The following WWP2 variants were observed in gnomAD, a reference collection of about 807,000 sequenced individuals.
WWP2 encodes the protein WW domain containing E3 ubiquitin protein ligase 2.
In WWP2, 57 loss-of-function variants were observed where a neutral mutation model predicts 121.0. The observed-to-expected ratio is 0.47, with a 90% CI of 0.38 to 0.59. WWP2 has a LOEUF of 0.59. Among genes scored for constraint, WWP2 ranks in the 20% least tolerant of loss-of-function variants. The probability of loss-of-function intolerance (pLI) is 0.00; values close to 1 mark genes in which losing one functional copy is unlikely to be tolerated. For missense variants in WWP2, 962 were observed against 1,158.9 expected (o/e 0.83, Z 2.47); for synonymous variants, 449 against 441.3 (o/e 1.02, Z -0.22).
chr16:69,876,741 T>G (rs1309316693), intron 7 of WWP2, among the ~76,000 whole-genome samples: 1 of 152,204 alleles, frequency 6.6e-6, no homozygotes, highest in Non-Finnish European at 1.5e-5. Flanking sequence ...ATGGATGTTG[T>G]GTTAGCGGGC....
chr16:69,888,326 G>A lies in WWP2; in HGVS notation c.914+77G>A, dbSNP rs1375240546. On this transcript the variant is annotated intron_variant, in intron 8 of 23. Transcript: ENST00000359154. ...TCCTTTACGGGGGTGGAAACAACGT[G>A]GTTATTTATTACCTAGTGGCTAGTA... The A allele has an allele frequency of 2.0e-6, 3 of 1,467,656 alleles. No homozygotes were observed. The African/African-American group carries it at 4.2e-5, about 21-fold the overall frequency. The allele number at this position is 1,467,656 out of a possible 1,614,324, so 90.9% of individuals were successfully genotyped here. A position where few individuals can be genotyped will look rare whatever the true frequency, so the allele number is the denominator to read the frequency against.
chr16:69,939,147 C>T (rs745984478), intron 22 of WWP2, 24 bp downstream of exon 22: 22 of 1,582,926 alleles, frequency 1.4e-5, no homozygotes, highest in Admixed American at 1.8e-5. Flanking sequence ...CGCCCTCTGG[C>T]GTCCTGGCTG....
rs1216615435 is a variant in WWP2, at chr16:69,935,486, T to C, written c.1843-367T>C. Among the ~76,000 whole-genome samples the C allele has an allele frequency of 6.6e-6, 1 of 152,234 alleles. No individual in the cohort carries two copies. The highest frequency in any genetic ancestry group is 1.5e-5 in the Non-Finnish European group (1 of 68,030). On this transcript the variant is annotated intron_variant, in intron 17 of 23. Coordinates refer to ENST00000359154, the MANE Select transcript of WWP2 (RefSeq NM_001270454.2). The surrounding 1 kb of genome is among the most constrained non-coding windows in gnomAD (Gnocchi z 5.2). ...ACCCTGAGCGCCAGTGAATCAGGGC[T>C]GCCACCTGCAGCTGTTCAGAGCAAG...
At chr16:69,909,138 T>C in intron 9 of WWP2, 2 of 1,091,220 alleles carry the variant, frequency 1.8e-6, no homozygotes, top group Non-Finnish European at 2.2e-6. Context: ...AAAGGCAGAG[T>C]GCTTCTTATT....
At chr16:69,880,305 C>T (rs1164620182) in intron 7 of WWP2, among the ~76,000 whole-genome samples, 3 of 151,782 alleles carry the variant, frequency 2.0e-5, no homozygotes. Flanking sequence ...TTTTAACATT[C>T]TTACATACAG....
intron 6 of WWP2, among the ~76,000 whole-genome samples, chr16:69,848,741 C>T (rs1016344459): frequency 6.6e-6 from 1 of 151,006 alleles, no homozygotes; most frequent in Non-Finnish European, 1.5e-5. Context: ...TTTAAGAATG[C>T]ATGTGAACGC....
chr16:69,844,249 C>A (rs1302177482), intron 6 of WWP2, among the ~76,000 whole-genome samples: 2 of 152,130 alleles, frequency 1.3e-5, no homozygotes, highest in Non-Finnish European at 2.9e-5. Flanking sequence ...ACTGGCAAAT[C>A]TTGTGTCAAC....
chr16:69,829,799 G>A (rs1214164979), intron 4 of WWP2, among the ~76,000 whole-genome samples: 2 of 152,084 alleles, frequency 1.3e-5, no homozygotes, highest in African/African-American at 2.4e-5. Flanking sequence ...CAGGGACAAC[G>A]TCTGTTTCCA....
chr16:69,860,406 A>G (rs963008077), intron 6 of WWP2, among the ~76,000 whole-genome samples: 3 of 152,218 alleles, frequency 2.0e-5, no homozygotes, highest in Admixed American at 1.3e-4. Context: ...CTCTGCCCTC[A>G]TGAATGTGTA....
At chr16:69,834,702 A>G (rs974903102) in intron 4 of WWP2, among the ~76,000 whole-genome samples, 4 of 150,852 alleles carry the variant, frequency 2.7e-5, no homozygotes, top group Admixed American at 1.3e-4. Flanking sequence ...CATGTTTTGT[A>G]TTTTTAGTAG....
intron 6 of WWP2, among the ~76,000 whole-genome samples, chr16:69,851,064 G>A (rs535675912): frequency 6.8e-6 from 1 of 147,070 alleles, no homozygotes; most frequent in African/African-American, 2.5e-5. Flanking sequence ...TGGCTGGAGT[G>A]CAGTGGCTCA....
intron 4 of WWP2, among the ~76,000 whole-genome samples, chr16:69,835,795 C>T (rs181970465): frequency 6.3e-4 from 92 of 145,868 alleles, no homozygotes; most frequent in Admixed American, 3.2e-3. Flanking sequence ...TCATATAAAA[C>T]CAAAGTAAAT....
At chr16:69,915,766 G>C (rs2058471019) in intron 9 of WWP2, among the ~76,000 whole-genome samples, 1 of 152,090 alleles carries the variant, frequency 6.6e-6, no homozygotes, top group Admixed American at 6.6e-5. Context: ...GGGTGCAGGG[G>C]CTCACACCTG....
intron 9 of WWP2, among the ~76,000 whole-genome samples, chr16:69,915,851 C>T (rs914219651): frequency 6.6e-6 from 1 of 151,862 alleles, no homozygotes; most frequent in Non-Finnish European, 1.5e-5. Context: ...CTGAGCCACA[C>T]GGGGAGGCTT....
intron 10 of WWP2, among the ~76,000 whole-genome samples, chr16:69,924,000 G>A (rs1002342675): frequency 6.6e-6 from 1 of 152,018 alleles, no homozygotes; most frequent in Non-Finnish European, 1.5e-5. Context: ...AGAATTTTAG[G>A]CACAGCTTGA....
chr16:69,776,944 C>T (rs2055542721), intron 1 of WWP2, among the ~76,000 whole-genome samples: 1 of 151,996 alleles, frequency 6.6e-6, no homozygotes, highest in African/African-American at 2.4e-5. Context: ...ATCTAAAACC[C>T]TACCTTAGAT....
Position 69,799,085 on chromosome 16 carries a change from C to T in WWP2, c.219-89C>T. On this transcript the variant is annotated intron_variant, in intron 3 of 23. Coordinates refer to ENST00000359154, the MANE Select transcript of WWP2 (RefSeq NM_001270454.2). This position sits in a 1 kb window ranked among gnomAD's most constrained non-coding sequence, Gnocchi z 4.5. Reference sequence around the variant, plus strand: ...TCTGCCTGTTTTGGTTCCCCCTCCCCAAGATGTCAGCAGTTTAGTTTAAAT... The same window carrying T: ...TCTGCCTGTTTTGGTTCCCCCTCCCTAAGATGTCAGCAGTTTAGTTTAAAT... 3.3e-6 allele frequency: 5 copies of T among 1,533,862 alleles called. No individual in the cohort carries two copies. In the South Asian group the frequency reaches 5.2e-5, roughly 16 times the overall value.
intron 4 of WWP2, among the ~76,000 whole-genome samples, chr16:69,808,392 T>C (rs2056323572): frequency 6.6e-6 from 1 of 151,490 alleles, no homozygotes; most frequent in African/African-American, 2.4e-5. Flanking sequence ...GCCTGGCCTG[T>C]CTTTTATTTT....
At chr16:69,816,779 A>G (rs1422905316) in intron 4 of WWP2, among the ~76,000 whole-genome samples, 1 of 152,154 alleles carries the variant, frequency 6.6e-6, no homozygotes, top group Non-Finnish European at 1.5e-5. Flanking sequence ...ACACACATAC[A>G]CATATACACA....
Sources: gnomAD v4.1 joint callset for allele counts (sites outside exome capture counted in the v4.1 genomes callset) on GRCh38, gnomAD v4.1.1 for gene constraint, Gnocchi (gnomAD v3.1) non-coding constraint, MANE v1.5 for transcripts, NCBI Gene and HGNC (gene_info 2026-07-23, HGNC 2026-07-21) for gene names.